The following PRUNE2 variants were observed in gnomAD, a reference collection of about 807,000 sequenced individuals.
PRUNE2 encodes the protein prune homolog 2 with BCH domain, also known as protein prune homolog 2.
Under a neutral mutation model 252.0 loss-of-function variants are expected in PRUNE2, and 164 were observed. The observed-to-expected ratio is 0.65, with a 90% CI of 0.57 to 0.74. The LOEUF (loss-of-function observed/expected upper bound fraction) is 0.74. PRUNE2 is among the 30% of genes least tolerant of loss of function. PRUNE2 has a pLI of 0.00. For synonymous variants in PRUNE2, 1,292 were observed against 1,350.2 expected, an observed-to-expected ratio of 0.96 and a Z score of 0.94; for missense variants, 3,495 against 3,711.0, an observed-to-expected ratio of 0.94 and a Z score of 1.51.
At chr9:76,844,315 A>C (rs1203647509) in intron 4 of PRUNE2, among the ~76,000 whole-genome samples, 1 of 151,952 alleles carries the variant, frequency 6.6e-6, no homozygotes, top group Non-Finnish European at 1.5e-5. Flanking sequence ...TAATGAGTTC[A>C]CCTGAGATCT....
intron 1 of PRUNE2, among the ~76,000 whole-genome samples, chr9:76,864,299 G>C (rs12236114): frequency 1.3e-5 from 2 of 152,092 alleles, no homozygotes; most frequent in Non-Finnish European, 2.9e-5. Context: ...CTACCAGAGG[G>C]GGTAGCAGGA....
At chr9:76,861,619 A>C (rs73653236) in intron 1 of PRUNE2, among the ~76,000 whole-genome samples, 4,738 of 152,020 alleles carry the variant, frequency 0.031, 244 homozygotes, top group African/African-American at 0.11. Flanking sequence ...CACTTTTTTA[A>C]CTTCTCAGCT....
chr9:76,793,788 A>G (rs1404085187), intron 6 of PRUNE2, among the ~76,000 whole-genome samples: 4 of 152,322 alleles, frequency 2.6e-5, no homozygotes, highest in South Asian at 4.1e-4. Flanking sequence ...AGGTTACACA[A>G]TTATCTTATG....
At chr9:76,776,947 A>G in intron 6 of PRUNE2, among the ~76,000 whole-genome samples, 1 of 108,426 alleles carries the variant, frequency 9.2e-6, no homozygotes. Context: ...CACACACACA[A>G]AGGGCCTGGA....
chr9:76,821,653 T>C (rs184991095), intron 6 of PRUNE2, among the ~76,000 whole-genome samples: 15 of 152,284 alleles, frequency 9.9e-5, no homozygotes, highest in African/African-American at 3.6e-4. Flanking sequence ...TTCTTTATTA[T>C]ACACAAATGT....
intron 6 of PRUNE2, among the ~76,000 whole-genome samples, chr9:76,776,284 C>G (rs568641169): frequency 6.6e-6 from 1 of 152,186 alleles, no homozygotes; most frequent in Middle Eastern, 3.4e-3. Flanking sequence ...TCCTTACCAC[C>G]CTCCCGCCTT....
intron 1 of PRUNE2, among the ~76,000 whole-genome samples, chr9:76,868,557 T>C (rs1027717125): frequency 1.2e-4 from 19 of 152,064 alleles, no homozygotes; most frequent in African/African-American, 2.7e-4. Flanking sequence ...TCTCCCCTAA[T>C]ATTTACACAA....
intron 6 of PRUNE2, among the ~76,000 whole-genome samples, chr9:76,754,964 CAAA>C (rs11292120): frequency 4.4e-5 from 3 of 67,964 alleles, no homozygotes; most frequent in South Asian, 5.8e-4. Flanking sequence ...GACTCGGTCT[CAAA>C]AAAAAAAAAA....
intron 6 of PRUNE2, among the ~76,000 whole-genome samples, chr9:76,735,336 A>C (rs62565563): frequency 3.3e-4 from 50 of 152,280 alleles, no homozygotes; most frequent in African/African-American, 1.1e-3. Context: ...CAAAGAGAAA[A>C]GCTTTTCTTC....
intron 6 of PRUNE2, among the ~76,000 whole-genome samples, chr9:76,803,151 C>T (rs1202105734): frequency 6.6e-6 from 1 of 152,164 alleles, no homozygotes; most frequent in Non-Finnish European, 1.5e-5. Context: ...GTAAAAGCAG[C>T]GTAATGAGAT....
chr9:76,755,135 A>AT (rs1216564947), intron 6 of PRUNE2, among the ~76,000 whole-genome samples: 1 of 151,938 alleles, frequency 6.6e-6, no homozygotes, highest in Admixed American at 6.6e-5. Flanking sequence ...ACCCTGATTT[A>AT]TTTTTCTTTA....
intron 6 of PRUNE2, among the ~76,000 whole-genome samples, chr9:76,714,015 C>A (rs191853615): frequency 6.6e-6 from 1 of 152,210 alleles, no homozygotes; most frequent in East Asian, 1.9e-4. Context: ...TATTCAGATG[C>A]TTAATTTGCA....
intron 6 of PRUNE2, among the ~76,000 whole-genome samples, chr9:76,718,293 T>C (rs1199450522): frequency 7.9e-5 from 12 of 152,204 alleles, no homozygotes; most frequent in Admixed American, 7.9e-4. Context: ...CTTGTAAACA[T>C]TTCAGTAGAT....
intron 12 of PRUNE2, among the ~76,000 whole-genome samples, chr9:76,642,496 G>C (rs1209717203): frequency 6.6e-6 from 1 of 152,200 alleles, no homozygotes; most frequent in East Asian, 1.9e-4. Context: ...CAGCTCTTTT[G>C]ATTGCCCCCA....
chr9:76,860,607 T>A (rs1425813582), intron 1 of PRUNE2, among the ~76,000 whole-genome samples: 3 of 152,166 alleles, frequency 2.0e-5, no homozygotes, highest in Non-Finnish European at 4.4e-5. Context: ...TATCCCCAAA[T>A]CTTTTTTCTG....
At chr9:76,620,105 A>G (rs1018486786) in intron 17 of PRUNE2, among the ~76,000 whole-genome samples, 2 of 149,862 alleles carry the variant, frequency 1.3e-5, no homozygotes, top group African/African-American at 4.9e-5. Context: ...CTTGATGAAT[A>G]CTCATTACAC....
At chr9:76,698,337 G>A (rs764877168) in intron 9 of PRUNE2, among the ~76,000 whole-genome samples, 1 of 152,104 alleles carries the variant, frequency 6.6e-6, no homozygotes, top group Admixed American at 6.6e-5. Flanking sequence ...GTGAGCCACC[G>A]TGCCCGGCAA....
chr9:76,804,753 G>T lies in PRUNE2; in HGVS notation c.756+18879C>A, dbSNP rs1442296780. Among the ~76,000 whole-genome samples the T allele has an allele frequency of 2.6e-5, 4 of 152,164 alleles. No individual in the cohort carries two copies. The East Asian group carries it at 5.8e-4, about 22-fold the overall frequency. ...GTTCCTACATTTCCTTTTGGTTGGGGTCAGCATGAACTTGGCCATTCCTTG... is the reference window on the plus strand; with the variant it reads ...GTTCCTACATTTCCTTTTGGTTGGGTTCAGCATGAACTTGGCCATTCCTTG... On this transcript the variant is annotated intron_variant, in intron 6 of 18. Coordinates refer to ENST00000376718, the MANE Select transcript of PRUNE2 (RefSeq NM_015225.3).
intron 6 of PRUNE2, chr9:76,786,138 C>T (rs1381197827): frequency 6.6e-6 from 1 of 152,186 alleles, no homozygotes; most frequent in Non-Finnish European, 1.5e-5. Flanking sequence ...TGAATTCCCT[C>T]ATCTTTTAGG....
Sources: gnomAD v4.1 joint callset for allele counts (sites outside exome capture counted in the v4.1 genomes callset) on GRCh38, gnomAD v4.1.1 for gene constraint, MANE v1.5 for transcripts, NCBI Gene and HGNC (gene_info 2026-07-23, HGNC 2026-07-21) for gene names.